Variants in RPL35A observed in about 807,000 individuals in gnomAD.
The protein encoded by RPL35A is ribosomal protein L35a, also known as large ribosomal subunit protein eL33.
RPL35A carries 1 observed loss-of-function variant against 16.7 expected under a neutral mutation model. That is an observed-to-expected ratio of 0.06 (90% CI 0.02 to 0.28). The LOEUF (loss-of-function observed/expected upper bound fraction) is 0.28, where lower values mean the gene tolerates loss of function less well. RPL35A is among the 10% of genes least tolerant of loss of function. The probability of loss-of-function intolerance (pLI) is 1.00; values close to 1 mark genes in which losing one functional copy is unlikely to be tolerated. For missense variants in RPL35A, 91 were observed against 138.7 expected, an observed-to-expected ratio of 0.66 and a Z score of 1.73; for synonymous variants, 58 against 47.0, an observed-to-expected ratio of 1.23 and a Z score of -0.96.
At chr3:197,954,350 G>A (rs1278542097) in intron 4 of RPL35A, 4 of 618,270 alleles carry the variant, frequency 6.5e-6, no homozygotes, top group African/African-American at 1.9e-5. Context: ...TTTTTTTGGG[G>A]GGAGACAGGG....
At chr3:197,950,394 C>T (rs561977007) in intron 1 of RPL35A, 173 bp downstream of exon 1, 8 of 1,113,918 alleles carry the variant, frequency 7.2e-6, no homozygotes, top group Admixed American at 4.2e-5. Flanking sequence ...GGTGTTTGGT[C>T]CCCTGACACC....
At chr3:197,950,607 G>A (rs2109802735) in intron 1 of RPL35A, 1 of 396,064 alleles carries the variant, frequency 2.5e-6, no homozygotes, top group South Asian at 3.4e-5. Flanking sequence ...TTACGTGTGT[G>A]TTTCTCTTTA....
In RPL35A at chr3:197,950,973, T is replaced by C; in HGVS notation, c.6T>C (p.Ser2=). 1 of 1,614,016 alleles carries C rather than the reference T, an allele frequency of 6.2e-7. No individual in the cohort carries two copies. Among genetic ancestry groups the C allele is most frequent in the Non-Finnish European group, 8.5e-7 (1 of 1,179,824 alleles). Residue 2 remains serine, a synonymous_variant, in exon 2 of 5, where the codon TCT becomes TCC. Transcript: ENST00000647248. M[S]GRLWSKAIFA... ...CGGGACTTCTAAAAGGAACTATGTCTGGAAGGTACGCGTTTTAAATATAGT... is the reference window on the plus strand; with the variant it reads ...CGGGACTTCTAAAAGGAACTATGTCCGGAAGGTACGCGTTTTAAATATAGT...
chr3:197,954,304 G>T (rs1340319281), intron 4 of RPL35A, 157 bp downstream of exon 4: 2 of 760,932 alleles, frequency 2.6e-6, no homozygotes, highest in Middle Eastern at 2.4e-4. Context: ...GATAGTAATT[G>T]AAAGAATTAG....
At chr3:197,953,848 A>C in intron 3 of RPL35A, 155 bp from the exon 4 acceptor site, 1 of 725,632 alleles carries the variant, frequency 1.4e-6, no homozygotes, top group Non-Finnish European at 2.5e-6. Flanking sequence ...GTTACTCGAT[A>C]AGTATCTGTT....
At chr3:197,950,359 A>C in intron 1 of RPL35A, 138 bp downstream of exon 1, 2 of 1,216,998 alleles carry the variant, frequency 1.6e-6, no homozygotes, top group Non-Finnish European at 2.0e-6. Context: ...GAGGGAGAAC[A>C]GGATGGAGGA....
In RPL35A at chr3:197,955,846, CT is replaced by C. The variant is rs1720486839; in HGVS notation, c.*75del. 1 of 1,249,860 alleles carries C rather than the reference CT, an allele frequency of 8.0e-7. No homozygotes were observed. The highest frequency in any genetic ancestry group is 1.5e-5 in the African/African-American group (1 of 67,578). The allele number at this position is 1,249,860 out of a possible 1,614,324, so 77.4% of individuals were successfully genotyped here. On this transcript the variant is annotated 3_prime_UTR_variant, in exon 5 of 5. Coordinates refer to ENST00000647248, the MANE Select transcript of RPL35A (RefSeq NM_000996.4). ...TTAAGTGGATTAAAAAACTTACTAC[CT>C]TAAATTGATTTGCTACATGCTTAAA...
intron 4 of RPL35A, 149 bp downstream of exon 4, chr3:197,954,296 T>G (rs900925768): frequency 6.3e-6 from 5 of 788,412 alleles, no homozygotes; most frequent in Non-Finnish European, 6.5e-6. Context: ...ACTGGAGAGA[T>G]AGTAATTGAA....
intron 1 of RPL35A, chr3:197,950,592 A>G: frequency 2.7e-6 from 1 of 363,800 alleles, no homozygotes; most frequent in Non-Finnish European, 5.0e-6. Context: ...CATTGCATAA[A>G]AGTCTTACGT....
Position 197,951,247 on chromosome 3 carries a change from T to G in RPL35A, c.100T>G (p.Tyr34Asp), listed in dbSNP as rs770429989. 3.7e-6 allele frequency: 6 copies of G among 1,614,204 alleles called. No individual in the cohort carries two copies. Among genetic ancestry groups the G allele is most frequent in the Non-Finnish European group, 4.2e-6 (5 of 1,180,014 alleles). Reference sequence around the variant, plus strand: ...AGCTCTTCTTAAAATTGAAGGTGTTTACGCCCGAGATGAAACAGAATTCTA... The same window carrying G: ...AGCTCTTCTTAAAATTGAAGGTGTTGACGCCCGAGATGAAACAGAATTCTA... The part of the protein sequence containing the change: ...HTALLKIEGV[Y>D]ARDETEFYLG... Residue 34 changes from tyrosine (Y) to aspartate (D), a missense_variant, in exon 3 of 5, where the codon TAC (tyrosine) becomes GAC (aspartate). By Grantham distance (160) the Tyr-to-Asp change is radical. Transcript: ENST00000647248.
At chr3:197,954,630 C>G (rs982684390) in intron 4 of RPL35A, among the ~76,000 whole-genome samples, 1 of 152,160 alleles carries the variant, frequency 6.6e-6, no homozygotes, top group Non-Finnish European at 1.5e-5. Context: ...GTGCCTCAGC[C>G]TCCCGAGTAG....
chr3:197,954,326 T>G (rs1316290988), intron 4 of RPL35A, 179 bp downstream of exon 4: 13 of 690,144 alleles, frequency 1.9e-5, no homozygotes, highest in Admixed American at 1.6e-4. Flanking sequence ...TGTTTGGTTG[T>G]TTGTTTTTTG....
At chr3:197,951,382 C>G in intron 3 of RPL35A, 71 bp downstream of exon 3, 1 of 1,518,700 alleles carries the variant, frequency 6.6e-7, no homozygotes, top group Non-Finnish European at 9.1e-7. Context: ...ATAACGGAGT[C>G]TTGCTCTGTT....
chr3:197,951,354 C>T (rs752531347), intron 3 of RPL35A, 43 bp downstream of exon 3: 19 of 1,599,508 alleles, frequency 1.2e-5, no homozygotes, highest in Non-Finnish European at 1.5e-5. Context: ...TTGAGATCTG[C>T]CTCATTTTCT....
chr3:197,951,386 C>T (rs1445887353), intron 3 of RPL35A, 75 bp downstream of exon 3: 14 of 1,513,702 alleles, frequency 9.2e-6, no homozygotes, highest in East Asian at 2.3e-5. Flanking sequence ...CGGAGTCTTG[C>T]TCTGTTGCCG....
intron 1 of RPL35A, 131 bp from the exon 2 acceptor site, chr3:197,950,805 C>T (rs1429575380): frequency 8.1e-6 from 6 of 741,196 alleles, no homozygotes; most frequent in Non-Finnish European, 1.4e-5. Flanking sequence ...GATGTTCTGG[C>T]ATTGTTGTCC....
chr3:197,953,046 G>A (rs1157209817), intron 3 of RPL35A, among the ~76,000 whole-genome samples: 2 of 151,810 alleles, frequency 1.3e-5, no homozygotes, highest in Non-Finnish European at 2.9e-5. Context: ...TGATCCACCC[G>A]CCCCAGCCTC....
intron 3 of RPL35A, among the ~76,000 whole-genome samples, chr3:197,952,174 T>G (rs930559166): frequency 1.5e-5 from 2 of 136,692 alleles, no homozygotes; most frequent in Non-Finnish European, 3.2e-5. Context: ...TTTTTTTTTT[T>G]TTTTTTTTTT....
chr3:197,954,471 C>T (rs1720375605), intron 4 of RPL35A: 1 of 396,602 alleles, frequency 2.5e-6, no homozygotes, highest in Non-Finnish European at 4.7e-6. Flanking sequence ...GTAGCTGGGA[C>T]CATAGGCGTG....
Sources: allele counts gnomAD v4.1 joint callset (sites outside exome capture counted in the v4.1 genomes callset), GRCh38; gene constraint gnomAD v4.1.1; transcripts MANE v1.5; gene names NCBI Gene and HGNC (gene_info 2026-07-23, HGNC 2026-07-21).